TPM2: variants seen among roughly 807,000 people sequenced by gnomAD.
The protein encoded by TPM2 is tropomyosin beta chain.
TPM2 carries 26 observed loss-of-function variants against 41.0 expected under a neutral mutation model. The observed-to-expected ratio is 0.63, with a 90% CI of 0.46 to 0.88. TPM2 has a LOEUF of 0.88. TPM2 is among the 40% of genes least tolerant of loss of function. TPM2 has a pLI of 0.00. For synonymous variants in TPM2, 143 were observed against 139.3 expected (o/e 1.03, Z -0.19); for missense variants, 187 against 355.2 (o/e 0.53, Z 3.81).
At position 35,684,215 on chromosome 9, in the gene TPM2, G is replaced by C. The variant is rs1306428777; in HGVS notation, c.772+31C>G. On this transcript the variant is annotated intron_variant, in intron 8 of 8. Transcript: ENST00000645482. ...CAGGACAGACTGATAATCACGGCAG[G>C]TGTGGACCTACTTATAAAGGCTTCT... The C allele has an allele frequency of 2.5e-6, 4 of 1,602,280 alleles. No homozygotes were observed. The East Asian group carries it at 6.7e-5, about 27-fold the overall frequency.
chr9:35,684,210 G>A (rs369025250), intron 8 of TPM2, 36 bp downstream of exon 8: 24 of 1,596,026 alleles, frequency 1.5e-5, no homozygotes, highest in African/African-American at 1.5e-4. Context: ...TGATAATCAC[G>A]GCAGGTGTGG....
Position 35,684,921 on chromosome 9 carries a change from G to C in TPM2, c.564-114C>G, listed in dbSNP as rs77405181. On this transcript the variant is annotated intron_variant, in intron 5 of 8. Transcript: ENST00000645482. ...AGAGAAGAGAAGAGCAAAGTTGTGA[G>C]AGTGACAGCAGGCAGGGCTCAGAAG... The C allele has an allele frequency of 2.5e-6, 4 of 1,610,270 alleles. No individual in the cohort carries two copies. In the African/African-American group the frequency reaches 4.0e-5, roughly 16 times the overall value.
Position 35,685,425 on chromosome 9 carries a change from G to A in TPM2, c.492+9C>T, listed in dbSNP as rs1037460279. ...GGGCAGCGAGCAGGCAGAGGGGCAA[G>A]GCTGTCACCTCTTCATATTTGCGGT... On this transcript the variant is annotated intron_variant, in intron 4 of 8. Coordinates refer to ENST00000645482, the MANE Select transcript of TPM2 (RefSeq NM_003289.4). The surrounding 1 kb of genome is among the most constrained non-coding windows in gnomAD (Gnocchi z 5.0). The A allele has an allele frequency of 1.9e-6, 3 of 1,614,110 alleles. No homozygotes were observed. Among genetic ancestry groups the A allele is most frequent in the Admixed American group, 1.7e-5 (1 of 60,014 alleles).
upstream of TPM2, chr9:35,690,002 C>T: frequency 6.9e-7 from 1 of 1,454,880 alleles, no homozygotes; most frequent in Non-Finnish European, 9.0e-7. Context: ...CCTCCCCCAC[C>T]TCGGCCCAAA....
downstream of TPM2, chr9:35,682,477 C>T: frequency 7.7e-7 from 1 of 1,302,778 alleles, no homozygotes; most frequent in Middle Eastern, 3.1e-4. Context: ...AAAGACTGCG[C>T]CAGGAAAGGA....
rs1421563025 is a variant in TPM2, at chr9:35,683,006, G to A, written c.*153C>T. On this transcript the variant is annotated 3_prime_UTR_variant, in exon 9 of 9. Transcript: ENST00000645482. Reference sequence around the variant, plus strand: ...AAAGGATGAAGCCAGTGCCAGAGTGGGTGGTGGGCATGATGGGGGCTCTCC... The same window carrying A: ...AAAGGATGAAGCCAGTGCCAGAGTGAGTGGTGGGCATGATGGGGGCTCTCC... 1 of 1,541,658 alleles carries A rather than the reference G, an allele frequency of 6.5e-7. No individual in the cohort carries two copies. The highest frequency in any genetic ancestry group is 8.8e-7 in the Non-Finnish European group (1 of 1,141,606).
chr9:35,682,417 T>G, downstream of TPM2: 1 of 1,270,954 alleles, frequency 7.9e-7, no homozygotes, highest in Admixed American at 2.8e-5. Context: ...ATAAACTACT[T>G]TATCCTCTTC....
intron 8 of TPM2, 55 bp downstream of exon 8, chr9:35,684,191 A>G (rs1824737247): frequency 1.3e-6 from 2 of 1,569,470 alleles, no homozygotes; most frequent in Non-Finnish European, 8.8e-7. Flanking sequence ...GAGAAGGTAC[A>G]GGACAGACTG....
At chr9:35,687,922 A>G (rs548329355) in intron 2 of TPM2, among the ~76,000 whole-genome samples, 1 of 152,176 alleles carries the variant, frequency 6.6e-6, no homozygotes, top group South Asian at 2.1e-4. Context: ...GAAAAATGGG[A>G]AGCAAGAGAG....
intron 8 of TPM2, 77 bp from the exon 9 acceptor site, chr9:35,683,318 G>C (rs547444414): frequency 3.6e-6 from 5 of 1,386,742 alleles, no homozygotes; most frequent in African/African-American, 1.4e-5. Flanking sequence ...GAAGGAGAGA[G>C]AGCAATGGAA....
At position 35,689,819 on chromosome 9, in the gene TPM2, GC is replaced by G; in HGVS notation, c.-3del. On this transcript the variant is annotated 5_prime_UTR_variant, in exon 1 of 9. Transcript: ENST00000645482. ...CATCTTCTTCTTGATGGCGTCCATG[GC>G]TGCGGTGGGGGGTGGGCCGGCCGGC... The G allele has an allele frequency of 6.2e-7, 1 of 1,613,596 alleles. No homozygotes were observed. The highest frequency in any genetic ancestry group is 8.5e-7 in the Non-Finnish European group (1 of 1,179,636).
At chr9:35,684,131 G>T in intron 8 of TPM2, 115 bp downstream of exon 8, 1 of 1,013,390 alleles carries the variant, frequency 9.9e-7, no homozygotes, top group Non-Finnish European at 1.6e-6. Context: ...GGAGTTGGTA[G>T]GGTCCTAGGT....
chr9:35,688,480 T>C (rs1464730454), intron 2 of TPM2, among the ~76,000 whole-genome samples: 1 of 152,068 alleles, frequency 6.6e-6, no homozygotes, highest in Non-Finnish European at 1.5e-5. Context: ...TGGTTGGGGT[T>C]GTGGGGTGGG....
chr9:35,685,099 G>A lies in TPM2; in HGVS notation c.563+170C>T. 2 of 1,614,214 alleles carry A rather than the reference G, an allele frequency of 1.2e-6. No individual in the cohort carries two copies. The highest frequency in any genetic ancestry group is 1.7e-6 in the Non-Finnish European group (2 of 1,180,034). ...GAGGCCATCAGGGACTTGAGGGCCT[G>A]GTCCATGGTTCGAAGTTCCTCCTCC... is the stretch of plus-strand genomic sequence containing the variant. On this transcript the variant is annotated intron_variant, in intron 5 of 8. Coordinates refer to ENST00000645482, the MANE Select transcript of TPM2 (RefSeq NM_003289.4). The surrounding 1 kb of genome is among the most constrained non-coding windows in gnomAD (Gnocchi z 5.0).
intron 5 of TPM2, 33 bp from the exon 6 acceptor site, chr9:35,684,840 G>T: frequency 6.2e-7 from 1 of 1,613,692 alleles, no homozygotes; most frequent in Non-Finnish European, 8.5e-7. Flanking sequence ...GGGGCAGGGT[G>T]TGAGGGCACA....
At chr9:35,682,862 T>TC, downstream of TPM2, 1 of 1,444,154 alleles carries the variant, frequency 6.9e-7, no homozygotes, top group Non-Finnish European at 9.3e-7. Flanking sequence ...TGCCAGGGTG[T>TC]CAGGAGTGAA....
Position 35,685,082 on chromosome 9 carries a change from C to G in TPM2, c.563+187G>C. 3.1e-6 allele frequency: 5 copies of G among 1,614,212 alleles called. No homozygotes were observed. Among genetic ancestry groups the G allele is most frequent in the Non-Finnish European group, 4.2e-6 (5 of 1,180,044 alleles). ...TCACTACCTCCTCCTCTGAGGCCAT[C>G]AGGGACTTGAGGGCCTGGTCCATGG... On this transcript the variant is annotated intron_variant, in intron 5 of 8. Transcript: ENST00000645482. The surrounding 1 kb of genome is among the most constrained non-coding windows in gnomAD (Gnocchi z 5.0).
chr9:35,688,453 T>C (rs1277646123), intron 2 of TPM2, among the ~76,000 whole-genome samples: 1 of 152,190 alleles, frequency 6.6e-6, no homozygotes. Context: ...GGGTTGGGAA[T>C]GGCAGGAAGT....
Position 35,689,716 on chromosome 9 carries a change from G to C in TPM2, c.102C>G (p.Asp34Glu). ...GCCCGGCCCTAACCTGCTTGCAGCG[G>C]TCCTCAGCTTGCTTCTTGTCGGCTT... ...QAEADKKQAEDRCKQLEEEQQ... is the reference protein window; with the variant it reads ...QAEADKKQAEERCKQLEEEQQ... Residue 34 changes from aspartate (D) to glutamate (E), a missense_variant, in exon 1 of 9, where the codon GAC becomes GAG. Asp to Glu is a conservative substitution (Grantham distance 45, BLOSUM62 2). Coordinates refer to ENST00000645482, the MANE Select transcript of TPM2 (RefSeq NM_003289.4). 1 of 1,613,636 alleles carries C rather than the reference G, an allele frequency of 6.2e-7. No homozygotes were observed. The highest frequency in any genetic ancestry group is 8.5e-7 in the Non-Finnish European group (1 of 1,179,742).
Sources: gnomAD v4.1 joint callset for allele counts (sites outside exome capture counted in the v4.1 genomes callset) on GRCh38, gnomAD v4.1.1 for gene constraint, Gnocchi (gnomAD v3.1) non-coding constraint, MANE v1.5 for transcripts, NCBI Gene and HGNC (gene_info 2026-07-23, HGNC 2026-07-21) for gene names.